The following PLEKHA4 variants were observed in gnomAD, a reference collection of about 807,000 sequenced individuals.
PLEKHA4 encodes pleckstrin homology domain-containing family A member 4.
PLEKHA4 carries 73 observed loss-of-function variants against 94.7 expected under a neutral mutation model. The observed-to-expected ratio is 0.77, with a 90% CI of 0.64 to 0.94. The LOEUF is 0.94. PLEKHA4 is among the 40% of genes least tolerant of loss of function. The pLI, the probability that PLEKHA4 is intolerant of heterozygous loss-of-function variation, is 0.00. For synonymous variants in PLEKHA4, 449 were observed against 437.1 expected (o/e 1.03, Z -0.34); for missense variants, 1,049 against 1,054.1 (o/e 1.00, Z 0.07).
chr19:48,860,503 A>T, intron 5 of PLEKHA4, 44 bp from the exon 6 acceptor site: 1 of 1,484,940 alleles, frequency 6.7e-7, no homozygotes, highest in South Asian at 1.1e-5. Context: ...CGGGCCTTGT[A>T]AAAAGGAGGA....
chr19:48,843,336 G>A (rs1314599243), intron 16 of PLEKHA4, among the ~76,000 whole-genome samples: 1 of 151,554 alleles, frequency 6.6e-6, no homozygotes, highest in African/African-American at 2.4e-5. Flanking sequence ...GTGCCACCAC[G>A]CCTGGCTAAT....
Position 48,839,211 on chromosome 19 carries a change from C to A in PLEKHA4, c.1958G>T (p.Trp653Leu). Residue 653 changes from tryptophan to leucine, a missense_variant, in exon 18 of 20, where the codon TGG becomes TTG. Physicochemically the swap from Trp to Leu is moderately conservative, Grantham distance 61. Transcript: ENST00000263265. Reference sequence around the variant, plus strand: ...ACGCCCTCCAGTTCCTTACCTACTCCAGGACCCAGAGCTTCTGAGCCATTT... The same window carrying A: ...ACGCCCTCCAGTTCCTTACCTACTCAAGGACCCAGAGCTTCTGAGCCATTT... ...AQKWLRSSGS[W>L]SSPRNTTPYL... is the part of the protein sequence containing the mutation. 6.3e-7 allele frequency: 1 copy of A among 1,594,498 alleles called. No homozygotes were observed. Among genetic ancestry groups the A allele is most frequent in the Non-Finnish European group, 8.6e-7 (1 of 1,167,990 alleles).
chr19:48,856,995 C>G (rs17206693), intron 9 of PLEKHA4, among the ~76,000 whole-genome samples: 14,686 of 150,220 alleles, frequency 0.098, 996 homozygotes, highest in Non-Finnish European at 0.14. Flanking sequence ...AGTTAAGTTA[C>G]GACGATGTCA....
Position 48,854,283 on chromosome 19 carries a change from G to C in PLEKHA4, c.1048-19C>G. 6.2e-7 allele frequency: 1 copy of C among 1,612,526 alleles called. No individual in the cohort carries two copies. On this transcript the variant is annotated intron_variant, in intron 9 of 19. Transcript: ENST00000263265. The stretch of plus-strand genomic sequence containing the variant: ...GACCCGGCTGAAGAGAAGGAAAAAA[G>C]TCAGGGGTCAAAGGGGACAGGCTGG...
At chr19:48,866,434 GTA>G (rs2036837667) in intron 2 of PLEKHA4, among the ~76,000 whole-genome samples, 2 of 152,128 alleles carry the variant, frequency 1.3e-5, no homozygotes, top group Non-Finnish European at 2.9e-5. Context: ...AGCCTCCTGA[GTA>G]GCTGAGATTG....
rs1335686798 is a variant in PLEKHA4, at chr19:48,857,436, A to C, written c.1033T>G (p.Ser345Ala). The change falls in exon 9 of 20, where the codon TCC becomes GCC. Residue 345 changes from serine (S) to alanine (A), a missense_variant. By Grantham distance (99) the Ser-to-Ala change is moderately conservative (BLOSUM62 1). Transcript: ENST00000263265. Reference sequence around the variant, plus strand: ...AGGATACCTACCAATAAAACCATGGAGGCCCGGGTCCCAGGGGGCCGCGGG... The same window carrying C: ...AGGATACCTACCAATAAAACCATGGCGGCCCGGGTCCCAGGGGGCCGCGGG... ...LPPRPPGTRA[S>A]MVLLPGPPLE... 1 of 1,544,364 alleles carries C rather than the reference A, an allele frequency of 6.5e-7. No homozygotes were observed.
rs1335578110 is a variant in PLEKHA4 at position 48,867,662 on chromosome 19, G to A, written c.-6-36C>T. The stretch of plus-strand genomic sequence containing the variant: ...GAAAGAAAGGGGCTGTGTCTCTGCA[G>A]TGACGGGTGTGAGACAGAGATGGGG... On this transcript the variant is annotated intron_variant, in intron 1 of 19. Coordinates refer to ENST00000263265, the MANE Select transcript of PLEKHA4 (RefSeq NM_020904.3). The surrounding 1 kb of genome is among the most constrained non-coding windows in gnomAD (Gnocchi z 4.7). 18 of 1,541,534 alleles carry A rather than the reference G, an allele frequency of 1.2e-5. No individual in the cohort carries two copies. The highest frequency in any genetic ancestry group is 1.5e-5 in the Non-Finnish European group (17 of 1,135,820).
At position 48,845,466 on chromosome 19, in the gene PLEKHA4, C is replaced by G. The variant is rs547635916; in HGVS notation, c.1667-20G>C. 3 of 1,613,950 alleles carry G rather than the reference C, an allele frequency of 1.9e-6. No individual in the cohort carries two copies. Among genetic ancestry groups the G allele is most frequent in the Non-Finnish European group, 1.7e-6 (2 of 1,179,960 alleles). ...CAAGACCTGGAAAGACAGAACGGGA[C>G]TTGGTGAGGACGGGAATTTCCGTAA... On this transcript the variant is annotated intron_variant, in intron 15 of 19. Transcript: ENST00000263265.
rs965889938 is a variant in PLEKHA4 at position 48,859,214 on chromosome 19, C to A, written c.693-75G>T. On this transcript the variant is annotated intron_variant, in intron 7 of 19. Coordinates refer to ENST00000263265, the MANE Select transcript of PLEKHA4 (RefSeq NM_020904.3). ...TCCACCTCCTTACCCATCAAGTCAG[C>A]CTCAAGGACATGTCTCACTTCACTG... 9.3e-6 allele frequency: 11 copies of A among 1,186,888 alleles called. No individual in the cohort carries two copies. The South Asian group carries it at 1.1e-4, about 12-fold the overall frequency. The allele number at this position is 1,186,888 out of a possible 1,614,324, so 73.5% of individuals were successfully genotyped here.
Position 48,867,596 on chromosome 19 carries a change from T to G in PLEKHA4, c.25A>C (p.Ser9Arg). The change falls in exon 2 of 20, where the codon AGC becomes CGC. Residue 9 changes from serine (S) to arginine (R), a missense_variant. Coordinates refer to ENST00000263265, the MANE Select transcript of PLEKHA4 (RefSeq NM_020904.3). The surrounding 1 kb of genome is among the most constrained non-coding windows in gnomAD (Gnocchi z 4.7). Reference sequence around the variant, plus strand: ...GAGGCGCTGCTGGCCAGGCTCAGGCTGCTGCGAGGTCGGCTCCCCTCCATC... The same window carrying G: ...GAGGCGCTGCTGGCCAGGCTCAGGCGGCTGCGAGGTCGGCTCCCCTCCATC... MEGSRPRS[S>R]LSLASSASTI... 1 of 1,600,342 alleles carries G rather than the reference T, an allele frequency of 6.2e-7. No individual in the cohort carries two copies.
intron 13 of PLEKHA4, among the ~76,000 whole-genome samples, chr19:48,848,313 C>T (rs956725154): frequency 2.7e-5 from 4 of 150,550 alleles, no homozygotes; most frequent in East Asian, 2.0e-4. Context: ...GGTGAAACCC[C>T]GTCTCTACTA....
Position 48,859,482 on chromosome 19 carries a change from C to A in PLEKHA4, c.679G>T (p.Ala227Ser), listed in dbSNP as rs750215252. Residue 227 changes from alanine to serine, a missense_variant, in exon 7 of 20, where the codon GCG becomes TCG. By Grantham distance (99) the Ala-to-Ser change is moderately conservative. Coordinates refer to ENST00000263265, the MANE Select transcript of PLEKHA4 (RefSeq NM_020904.3). ...DLHSGLQMRRARSPDLFTPLS... is the reference protein window; with the variant it reads ...DLHSGLQMRRSRSPDLFTPLS... Reference sequence around the variant, plus strand: ...CTCCCTACTCACTCGGGGCTCCTCGCCCTCCGCATCTGGAGTCCAGAGTGG... The same window carrying A: ...CTCCCTACTCACTCGGGGCTCCTCGACCTCCGCATCTGGAGTCCAGAGTGG... 3.7e-6 allele frequency: 6 copies of A among 1,613,844 alleles called. No homozygotes were observed. In the Admixed American group the frequency reaches 1.0e-4, roughly 27 times the overall value.
chr19:48,838,783 TAAAAAA>T lies in PLEKHA4; in HGVS notation c.1964+416_1964+421del, dbSNP rs1006257131. ...CTCCGTCTCAAAAAAAAAAAAAAAG[TAAAAAA>T]TAAAAATAAAAATAAAAAATAAACA... On this transcript the variant is annotated intron_variant, in intron 18 of 19. Transcript: ENST00000263265. Among the ~76,000 whole-genome samples the T allele has an allele frequency of 6.8e-4, 96 of 140,830 alleles. 1 individual carries two copies. Among genetic ancestry groups the T allele is most frequent in the East Asian group, 4.0e-3 (20 of 4,956 alleles). 92.4% of individuals were successfully genotyped at this position (140,830 alleles called of 152,430 possible).
rs1555783823 is a variant in PLEKHA4 at position 48,859,505 on chromosome 19, T to C, written c.656A>G (p.His219Arg). 6.2e-7 allele frequency: 1 copy of C among 1,613,742 alleles called. No homozygotes were observed. Among genetic ancestry groups the C allele is most frequent in the Non-Finnish European group, 8.5e-7 (1 of 1,179,948 alleles). ...CGCCCTCCGCATCTGGAGTCCAGAGTGGAGGTCGGTTGTGGGGCTGGGAGT... is the reference window on the plus strand; with the variant it reads ...CGCCCTCCGCATCTGGAGTCCAGAGCGGAGGTCGGTTGTGGGGCTGGGAGT... Reference protein sequence around the residue: ...LLTPSPTTDLHSGLQMRRARS... With the variant: ...LLTPSPTTDLRSGLQMRRARS... The change falls in exon 7 of 20, where the codon CAC (histidine) becomes CGC (arginine). Residue 219 changes from histidine to arginine, a missense_variant. His to Arg is a conservative substitution (Grantham distance 29). Transcript: ENST00000263265.
intron 16 of PLEKHA4, chr19:48,844,471 AATCTATTTG>A: frequency 1.0e-6 from 1 of 985,162 alleles, no homozygotes; most frequent in Non-Finnish European, 1.2e-6. Flanking sequence ...AGTGCTTTTA[AATCTATTTG>A]ATCAAGTAAT....
Position 48,841,292 on chromosome 19 carries a change from G to C in PLEKHA4, c.1762C>G (p.Arg588Gly). ...TCCAGCTGCTCCTGGGCACTCATCCGGGGCCGGGCCACCGGGGCCTAGGGA... is the reference window on the plus strand; with the variant it reads ...TCCAGCTGCTCCTGGGCACTCATCCCGGGCCGGGCCACCGGGGCCTAGGGA... ...LGTKAPVARP[R>G]MSAQEQLERM... The change falls in exon 17 of 20, where the codon CGG (arginine) becomes GGG (glycine). Residue 588 changes from arginine to glycine, a missense_variant. Coordinates refer to ENST00000263265, the MANE Select transcript of PLEKHA4 (RefSeq NM_020904.3). 2 of 1,611,534 alleles carry C rather than the reference G, an allele frequency of 1.2e-6. No individual in the cohort carries two copies. The highest frequency in any genetic ancestry group is 2.2e-5 in the East Asian group (1 of 44,820).
At chr19:48,838,679 A>C (rs1347158204) in intron 18 of PLEKHA4, among the ~76,000 whole-genome samples, 2 of 151,234 alleles carry the variant, frequency 1.3e-5, no homozygotes, top group African/African-American at 4.9e-5. Context: ...AGGAAGGAGA[A>C]TCATTTGAAC....
At chr19:48,863,704 C>A (rs2036732533) in intron 3 of PLEKHA4, among the ~76,000 whole-genome samples, 1 of 151,938 alleles carries the variant, frequency 6.6e-6, no homozygotes, top group Non-Finnish European at 1.5e-5. Flanking sequence ...TCCCAAAGTG[C>A]TGAGATTACA....
rs1301787844 is a variant in PLEKHA4, at chr19:48,837,128, C to T, written c.*161G>A. ...TTCAAAGTTTTAATCCAAATTTAGA[C>T]AGTGTTGAGAAAACCAAACTTTGGC... On this transcript the variant is annotated 3_prime_UTR_variant, in exon 20 of 20. Coordinates refer to ENST00000263265, the MANE Select transcript of PLEKHA4 (RefSeq NM_020904.3). The surrounding 1 kb of genome is among the most constrained non-coding windows in gnomAD (Gnocchi z 4.3). 4 of 895,970 alleles carry T rather than the reference C, an allele frequency of 4.5e-6. No individual in the cohort carries two copies. The highest frequency in any genetic ancestry group is 7.0e-6 in the Non-Finnish European group (4 of 567,522). 55.5% of individuals were successfully genotyped at this position (895,970 alleles called of 1,614,324 possible). A position where few individuals can be genotyped will look rare whatever the true frequency, so the allele number is the denominator to read the frequency against.
Sources: allele counts gnomAD v4.1 joint callset (sites outside exome capture counted in the v4.1 genomes callset), GRCh38; gene constraint gnomAD v4.1.1; non-coding constraint Gnocchi (gnomAD v3.1); transcripts MANE v1.5; gene names NCBI Gene and HGNC (gene_info 2026-07-23, HGNC 2026-07-21).